Variants in EBF1 observed in about 807,000 individuals in gnomAD.
EBF1 encodes transcription factor COE1.
A neutral mutation model predicts 68.4 loss-of-function variants in EBF1; 10 were observed. The observed-to-expected ratio is 0.15, with a 90% CI of 0.09 to 0.25. The LOEUF is 0.25. EBF1 is among the 10% of genes least tolerant of loss of function. The pLI is 1.00. For synonymous variants in EBF1, 298 were observed against 299.8 expected (o/e 0.99, Z 0.06); for missense variants, 509 against 794.4 (o/e 0.64, Z 4.32).
At chr5:158,978,773 TGAA>T (rs1310760706) in intron 6 of EBF1, among the ~76,000 whole-genome samples, 3 of 143,080 alleles carry the variant, frequency 2.1e-5, no homozygotes, top group African/African-American at 8.0e-5. Flanking sequence ...GTAAAAGAAT[TGAA>T]GATACACACA....
intron 6 of EBF1, among the ~76,000 whole-genome samples, chr5:158,956,919 C>T (rs572227208): frequency 3.2e-4 from 48 of 152,222 alleles, no homozygotes; most frequent in African/African-American, 1.1e-3. Context: ...CCACCACGCC[C>T]AGCTAATTTT....
At chr5:159,089,910 G>T (rs965825127) in intron 4 of EBF1, among the ~76,000 whole-genome samples, 3 of 151,918 alleles carry the variant, frequency 2.0e-5, no homozygotes, top group Non-Finnish European at 4.4e-5. Context: ...GAAAGGATTG[G>T]AGGGAGGGAA....
chr5:159,030,932 G>C (rs1474210289), intron 6 of EBF1, among the ~76,000 whole-genome samples: 2 of 152,044 alleles, frequency 1.3e-5, no homozygotes, highest in Non-Finnish European at 2.9e-5. Context: ...CAGCACTTTC[G>C]GAGCTCGAGG....
chr5:159,083,569 A>C (rs998248498), intron 5 of EBF1, among the ~76,000 whole-genome samples: 1 of 152,256 alleles, frequency 6.6e-6, no homozygotes, highest in African/African-American at 2.4e-5. Context: ...AACTGTAGAC[A>C]TACAAGAAGT....
At chr5:158,962,001 C>T (rs1818265360) in intron 6 of EBF1, among the ~76,000 whole-genome samples, 1 of 152,176 alleles carries the variant, frequency 6.6e-6, no homozygotes, top group African/African-American at 2.4e-5. Flanking sequence ...TTACACCTTG[C>T]ATCTGTGCCG....
intron 6 of EBF1, among the ~76,000 whole-genome samples, chr5:159,032,408 C>A (rs1769108169): frequency 2.6e-5 from 4 of 152,210 alleles, no homozygotes; most frequent in Admixed American, 2.6e-4. Flanking sequence ...ATTTCCCTCA[C>A]CCATTCAAAA....
chr5:158,881,938 T>A (rs1798985994), intron 6 of EBF1, among the ~76,000 whole-genome samples: 1 of 152,234 alleles, frequency 6.6e-6, no homozygotes, highest in Non-Finnish European at 1.5e-5. Flanking sequence ...CACAGGGCTA[T>A]GTGTCTTTGA....
At chr5:159,039,797 G>A (rs1193438168) in intron 6 of EBF1, among the ~76,000 whole-genome samples, 1 of 152,148 alleles carries the variant, frequency 6.6e-6, no homozygotes, top group Non-Finnish European at 1.5e-5. Context: ...CTTGGGCAGG[G>A]AGTAAAACAA....
intron 9 of EBF1, among the ~76,000 whole-genome samples, chr5:158,791,016 A>G (rs1203161364): frequency 1.3e-5 from 2 of 152,110 alleles, no homozygotes. Flanking sequence ...TCTCAGGGGA[A>G]TAAACTCTAA....
chr5:158,723,610 C>G (rs1177779570), intron 11 of EBF1, among the ~76,000 whole-genome samples: 1 of 152,002 alleles, frequency 6.6e-6, no homozygotes, highest in Non-Finnish European at 1.5e-5. Context: ...ATCCTATTTT[C>G]AAAACTCTAT....
At chr5:158,883,387 C>CATACATACATGTGTGTATATAT (rs1799336739) in intron 6 of EBF1, among the ~76,000 whole-genome samples, 1 of 147,062 alleles carries the variant, frequency 6.8e-6, no homozygotes, top group Non-Finnish European at 1.5e-5. Context: ...TATATATATA[C>CATACATACATGTGTGTATATAT]ATACATACAT....
intron 6 of EBF1, among the ~76,000 whole-genome samples, chr5:158,993,101 T>C (rs1278419463): frequency 1.3e-5 from 2 of 150,630 alleles, no homozygotes; most frequent in Non-Finnish European, 3.0e-5. Flanking sequence ...GCTAATTTTT[T>C]TGTATTTTAG....
rs556027121 is a variant in EBF1 at position 158,697,274 on chromosome 5, T to A, written c.*1837A>T. 0.03 allele frequency: 2,531 copies of A among 85,572 alleles called. 75 individuals carry two copies. The highest frequency in any genetic ancestry group is 0.15 in the African/African-American group (2,398 of 15,794). The allele number at this position is 85,572 out of a possible 1,614,324, so 5.3% of individuals were successfully genotyped here. A position where few individuals can be genotyped will look rare whatever the true frequency, so the allele number is the denominator to read the frequency against. On this transcript the variant is annotated 3_prime_UTR_variant, in exon 16 of 16. Transcript: ENST00000313708. The stretch of plus-strand genomic sequence containing the variant: ...TACTACAAGAATAATATGCTACTAT[T>A]TTTTTTTTTTTGCCATATATTGGAA...
intron 6 of EBF1, among the ~76,000 whole-genome samples, chr5:159,051,543 G>A (rs971568199): frequency 3.3e-5 from 5 of 151,316 alleles, no homozygotes; most frequent in Non-Finnish European, 7.4e-5. Flanking sequence ...TTCCGCTTAG[G>A]AGGAACTCGC....
At position 159,002,926 on chromosome 5, in the gene EBF1, A is replaced by T. The variant is rs370428569; in HGVS notation, c.554+70470T>A. Among the ~76,000 whole-genome samples the T allele has an allele frequency of 5.3e-5, 8 of 152,240 alleles. No homozygotes were observed. In the East Asian group the frequency reaches 5.8e-4, roughly 11 times the overall value. ...TGCAGCTGTGTAGGAAAGTTGATTA[A>T]AATCGGTGCACATCAAAAGGAAGTT... On this transcript the variant is annotated intron_variant, in intron 6 of 15. Transcript: ENST00000313708.
intron 6 of EBF1, among the ~76,000 whole-genome samples, chr5:158,920,222 A>G (rs146949604): frequency 1.1e-4 from 17 of 152,156 alleles, no homozygotes; most frequent in Non-Finnish European, 2.4e-4. Context: ...TAACAATCCT[A>G]TCAGGTATCA....
At chr5:158,707,783 A>G (rs1758188721) in intron 15 of EBF1, 196 bp downstream of exon 15, 2 of 619,214 alleles carry the variant, frequency 3.2e-6, no homozygotes, top group Admixed American at 3.0e-5. Context: ...CCAGCAGAGG[A>G]GAGATGAGTA....
chr5:158,800,771 A>G (rs1223139770), intron 8 of EBF1, among the ~76,000 whole-genome samples: 1 of 152,144 alleles, frequency 6.6e-6, no homozygotes, highest in Non-Finnish European at 1.5e-5. Context: ...TAATAGTCAC[A>G]GTGGATGGAT....
chr5:158,873,330 C>T (rs1201916542), intron 6 of EBF1, among the ~76,000 whole-genome samples: 1 of 152,146 alleles, frequency 6.6e-6, no homozygotes, highest in Non-Finnish European at 1.5e-5. Flanking sequence ...TCACTCAACC[C>T]TTCCATTCCC....
Sources: allele counts gnomAD v4.1 joint callset (sites outside exome capture counted in the v4.1 genomes callset), GRCh38; gene constraint gnomAD v4.1.1; transcripts MANE v1.5; gene names NCBI Gene and HGNC (gene_info 2026-07-23, HGNC 2026-07-21).